Variants in PACS2 observed in about 807,000 individuals in gnomAD.
The protein encoded by PACS2 is PACS1-like protein.
Under a neutral mutation model 113.0 loss-of-function variants are expected in PACS2, and 36 were observed. That is an observed-to-expected ratio of 0.32 (90% CI 0.24 to 0.42). The LOEUF (loss-of-function observed/expected upper bound fraction) is 0.42. Ranked by LOEUF, PACS2 falls within the 10% of genes least tolerant of loss-of-function variation. The pLI, the probability that PACS2 is intolerant of heterozygous loss-of-function variation, is 1.00. For missense variants in PACS2, 1,015 were observed against 1,239.5 expected, an observed-to-expected ratio of 0.82 and a Z score of 2.72; for synonymous variants, 589 against 536.1, an observed-to-expected ratio of 1.10 and a Z score of -1.36.
chr14:105,368,212 G>C, intron 6 of PACS2, 65 bp downstream of exon 6: 1 of 1,179,720 alleles, frequency 8.5e-7, no homozygotes, highest in South Asian at 1.2e-5. Flanking sequence ...GGTCTGTGGG[G>C]TCCTCACCAG....
At chr14:105,308,185 C>A (rs587693371) in intron 1 of PACS2, among the ~76,000 whole-genome samples, 3 of 151,084 alleles carry the variant, frequency 2.0e-5, no homozygotes, top group East Asian at 2.0e-4. Context: ...TCTGTCCCCC[C>A]CAAAAAAACA....
Position 105,348,577 on chromosome 14 carries a change from G to A in PACS2, c.204G>A (p.Met68Ile), listed in dbSNP as rs782136702. The A allele has an allele frequency of 1.3e-5, 21 of 1,608,276 alleles. No homozygotes were observed. Among genetic ancestry groups the A allele is most frequent in the Non-Finnish European group, 1.7e-5 (20 of 1,176,602 alleles). The change falls in exon 2 of 25, where the codon ATG becomes ATA. Residue 68 changes from methionine to isoleucine, a missense_variant. Physicochemically the swap from Met to Ile is conservative, Grantham distance 10 (BLOSUM62 1). Transcript: ENST00000447393. The surrounding 1 kb of genome is among the most constrained non-coding windows in gnomAD (Gnocchi z 6.4). Reference sequence around the variant, plus strand: ...TCTCCGTGGTGATCGCTGTCAAGATGCAGGTGAGGCCGCTTGTGACCCCGG... The same window carrying A: ...TCTCCGTGGTGATCGCTGTCAAGATACAGGTGAGGCCGCTTGTGACCCCGG... ...ELISVVIAVK[M>I]QGSKRILRSH... is the part of the protein sequence containing the mutation.
Position 105,393,643 on chromosome 14 carries a change from G to A in PACS2, c.2596+308G>A, listed in dbSNP as rs587705532. ...TTGCTCTTGTTACCCAGGCTGGAGT[G>A]CAATGGTGTGATCTCAGCTCACTGC... On this transcript the variant is annotated intron_variant, in intron 24 of 24. Transcript: ENST00000447393. The A allele has an allele frequency of 2.1e-5, 6 of 280,344 alleles. No homozygotes were observed. In the South Asian group the frequency reaches 2.5e-4, roughly 12 times the overall value. The allele number at this position is 280,344 out of a possible 1,614,324, so 17.4% of individuals were successfully genotyped here. A position where few individuals can be genotyped will look rare whatever the true frequency, so the allele number is the denominator to read the frequency against.
intron 1 of PACS2, among the ~76,000 whole-genome samples, chr14:105,304,815 A>G (rs1255485504): frequency 6.6e-6 from 1 of 152,236 alleles, no homozygotes; most frequent in Non-Finnish European, 1.5e-5. Flanking sequence ...TTCTGCAGGG[A>G]AACTCCCTCT....
chr14:105,318,815 C>T (rs188468496), intron 1 of PACS2, among the ~76,000 whole-genome samples: 2,535 of 151,388 alleles, frequency 0.017, 76 homozygotes, highest in African/African-American at 0.059. Flanking sequence ...CCCGCCACCA[C>T]GCCCGGCTAA....
chr14:105,383,214 C>T (rs2081053998), intron 15 of PACS2, 145 bp from the exon 16 acceptor site: 1 of 925,368 alleles, frequency 1.1e-6, no homozygotes, highest in South Asian at 1.3e-5. Context: ...ATGTGGGGGT[C>T]CTGGGCTTGG....
At position 105,340,480 on chromosome 14, in the gene PACS2, C is replaced by T. The variant is rs1555401361; in HGVS notation, c.120-8013C>T. Among the ~76,000 whole-genome samples, 1 of 152,218 alleles carries T rather than the reference C, an allele frequency of 6.6e-6. No individual in the cohort carries two copies. The highest frequency in any genetic ancestry group is 2.4e-5 in the African/African-American group (1 of 41,444). On this transcript the variant is annotated intron_variant, in intron 1 of 24. Transcript: ENST00000447393. This position sits in a 1 kb window ranked among gnomAD's most constrained non-coding sequence, Gnocchi z 4.2. The stretch of plus-strand genomic sequence containing the variant: ...GTGATGGGAATGGTTTCCAGTGAAA[C>T]TGTCCCACCTCCGATCATCAGCCAT...
intron 24 of PACS2, chr14:105,394,273 G>T (rs1252777299): frequency 3.0e-6 from 3 of 985,074 alleles, no homozygotes; most frequent in Non-Finnish European, 3.6e-6. Context: ...AGGTGGTGGG[G>T]TCTGCTCCTT....
chr14:105,310,120 A>G (rs2058308070), upstream of PACS2, among the ~76,000 whole-genome samples: 1 of 152,084 alleles, frequency 6.6e-6, no homozygotes, highest in Non-Finnish European at 1.5e-5. Flanking sequence ...TCGTGATAGT[A>G]GTGACAACTG....
intron 1 of PACS2, among the ~76,000 whole-genome samples, chr14:105,342,845 G>A (rs2059784458): frequency 6.6e-6 from 1 of 150,496 alleles, no homozygotes; most frequent in Non-Finnish European, 1.5e-5. Flanking sequence ...TGAGGCAGGT[G>A]AATTGCTTGA....
At chr14:105,303,425 A>C (rs2058093494) in intron 1 of PACS2, among the ~76,000 whole-genome samples, 1 of 151,200 alleles carries the variant, frequency 6.6e-6, no homozygotes, top group Non-Finnish European at 1.5e-5. Flanking sequence ...TTGTATTTTT[A>C]GTAGAGACAG....
Position 105,379,742 on chromosome 14 carries a change from A to T in PACS2, c.963A>T (p.Pro321=). 1.9e-6 allele frequency: 3 copies of T among 1,613,218 alleles called. No homozygotes were observed. Among genetic ancestry groups the T allele is most frequent in the Non-Finnish European group, 2.5e-6 (3 of 1,179,420 alleles). ...VLSTPKPKLR[P]YFEGLSHSSS... Reference sequence around the variant, plus strand: ...CCACCCCTGTTCCCTGAGCCAGGCCATACTTTGAAGGCCTGTCGCACTCGA... The same window carrying T: ...CCACCCCTGTTCCCTGAGCCAGGCCTTACTTTGAAGGCCTGTCGCACTCGA... Residue 321 remains proline, a synonymous_variant, in exon 10 of 25, where the codon CCA becomes CCT. Coordinates refer to ENST00000447393, the MANE Select transcript of PACS2 (RefSeq NM_001100913.3).
chr14:105,347,024 G>A (rs1243431783), intron 1 of PACS2, among the ~76,000 whole-genome samples: 2 of 118,334 alleles, frequency 1.7e-5, no homozygotes, highest in African/African-American at 6.8e-5. Flanking sequence ...CGCCTGCACG[G>A]CTCCCCCACT....
In PACS2 at chr14:105,357,488, C is replaced by T. The variant is rs113621238; in HGVS notation, c.423+2311C>T. On this transcript the variant is annotated intron_variant, in intron 4 of 24. Coordinates refer to ENST00000447393, the MANE Select transcript of PACS2 (RefSeq NM_001100913.3). The surrounding 1 kb of genome is among the most constrained non-coding windows in gnomAD (Gnocchi z 5.1). The stretch of plus-strand genomic sequence containing the variant: ...CCCTCCAGCATCTCCTCCAGGCCCT[C>T]GGGGCATCCTTCCACCTTCCACTGG... 2.6e-5 allele frequency among the ~76,000 whole-genome samples: 4 copies of T among 152,236 alleles called. No homozygotes were observed. Among genetic ancestry groups the T allele is most frequent in the African/African-American group, 4.8e-5 (2 of 41,536 alleles).
At chr14:105,306,373 G>A (rs1471639056) in intron 1 of PACS2, among the ~76,000 whole-genome samples, 4 of 152,004 alleles carry the variant, frequency 2.6e-5, no homozygotes, top group Admixed American at 6.6e-5. Context: ...GCGCCATCTC[G>A]ACTCAGTGCA....
chr14:105,332,666 G>A (rs949322002), intron 1 of PACS2, among the ~76,000 whole-genome samples: 7 of 152,156 alleles, frequency 4.6e-5, no homozygotes, highest in African/African-American at 1.4e-4. Context: ...GCTTCTCTGC[G>A]GGGCCTCTGC....
At chr14:105,364,511 T>TGGCCCGGGTGCGCGGTGGGCGGC (rs1566943630) in intron 4 of PACS2, among the ~76,000 whole-genome samples, 60 of 131,710 alleles carry the variant, frequency 4.6e-4, no homozygotes, top group African/African-American at 1.8e-3. Flanking sequence ...CGGTGGGCGG[T>TGGCCCGGGTGCGCGGTGGGCGGC]GGCCTGGGTG....
chr14:105,393,538 T>A (rs781979312), intron 24 of PACS2: 3 of 490,516 alleles, frequency 6.1e-6, no homozygotes, highest in Non-Finnish European at 1.1e-5. Context: ...TTCAACCCTT[T>A]TTGCTTTTTA....
intron 4 of PACS2, among the ~76,000 whole-genome samples, chr14:105,362,011 T>C (rs1555406586): frequency 6.6e-6 from 1 of 151,830 alleles, no homozygotes; most frequent in Non-Finnish European, 1.5e-5. Flanking sequence ...AAGTCCCAGC[T>C]ACTCGGGAGG....
Sources: allele counts gnomAD v4.1 joint callset (sites outside exome capture counted in the v4.1 genomes callset), GRCh38; gene constraint gnomAD v4.1.1; non-coding constraint Gnocchi (gnomAD v3.1); transcripts MANE v1.5; gene names NCBI Gene and HGNC (gene_info 2026-07-23, HGNC 2026-07-21).